Variants in UGT2A1 observed in about 807,000 individuals in gnomAD.
The protein encoded by UGT2A1 is UDP-glucuronosyltransferase 2A1.
Under a neutral mutation model 45.4 loss-of-function variants are expected in UGT2A1, and 61 were observed. The observed-to-expected ratio is 1.34, with a 90% CI of 1.09 to 1.66. UGT2A1 has a LOEUF of 1.66. Ranked by LOEUF, UGT2A1 falls within the 40% of genes most tolerant of loss-of-function variation. The pLI is 0.00. For missense variants in UGT2A1, 649 were observed against 574.3 expected (o/e 1.13, Z -1.33); for synonymous variants, 229 against 196.2 (o/e 1.17, Z -1.40).
chr4:69,620,782 A>G (rs1484749106), intron 3 of UGT2A1, among the ~76,000 whole-genome samples: 1 of 151,960 alleles, frequency 6.6e-6, no homozygotes, highest in Non-Finnish European at 1.5e-5. Flanking sequence ...TGGCACTGGT[A>G]CAAAAACAGA....
rs893017433 is a variant in UGT2A1, at chr4:69,639,419, G to A, written c.716-3597C>T. 2.2e-5 allele frequency: 35 copies of A among 1,613,054 alleles called. No homozygotes were observed. The Middle Eastern group carries it at 4.9e-4, about 23-fold the overall frequency. On this transcript the variant is annotated intron_variant, in intron 2 of 6. Coordinates refer to ENST00000286604, the MANE Select transcript of UGT2A1 (RefSeq NM_001252275.3). ...TCACTTCAAAATTCACAGGAGAATC[G>A]GGATTGGAGTTGATGAATAGAGTTG...
chr4:69,596,286 A>G, intron 4 of UGT2A1: 1 of 1,608,152 alleles, frequency 6.2e-7, no homozygotes, highest in Non-Finnish European at 8.5e-7. Context: ...AGGCAATAAG[A>G]TTGGCCTTTT....
chr4:69,625,223 TC>T (rs1214542639), intron 3 of UGT2A1, among the ~76,000 whole-genome samples: 3 of 151,220 alleles, frequency 2.0e-5, no homozygotes, highest in African/African-American at 7.2e-5. Context: ...TTTCAGATTT[TC>T]TTTTTATTAC....
intron 3 of UGT2A1, among the ~76,000 whole-genome samples, chr4:69,609,447 T>G (rs1270044391): frequency 6.6e-6 from 1 of 152,158 alleles, no homozygotes; most frequent in Non-Finnish European, 1.5e-5. Flanking sequence ...TGATATACCT[T>G]GGCCTCCTAA....
Position 69,615,935 on chromosome 4 carries a change from T to C in UGT2A1, c.848-16541A>G, listed in dbSNP as rs147899795. Among the ~76,000 whole-genome samples, 316 of 152,182 alleles carry C rather than the reference T, an allele frequency of 2.1e-3. 5 individuals carry two copies. Among genetic ancestry groups the C allele is most frequent in the African/African-American group, 5.2e-3 (217 of 41,550 alleles). ...ATATATCCAAATAAAGGAATCAGTA[T>C]ATCAAAGAAATATCTGTACACCCAT... On this transcript the variant is annotated intron_variant, in intron 3 of 6. Coordinates refer to ENST00000286604, the MANE Select transcript of UGT2A1 (RefSeq NM_001252275.3).
At chr4:69,595,326 T>C in intron 4 of UGT2A1, 77 bp from the exon 5 acceptor site, 1 of 1,533,804 alleles carries the variant, frequency 6.5e-7, no homozygotes, top group Non-Finnish European at 8.9e-7. Flanking sequence ...TATTTAGAAA[T>C]CATTTAGCCA....
At chr4:69,631,574 A>G (rs1721389356) in intron 3 of UGT2A1, among the ~76,000 whole-genome samples, 1 of 152,172 alleles carries the variant, frequency 6.6e-6, no homozygotes, top group Admixed American at 6.5e-5. Context: ...AACAGAATGA[A>G]GAATACTATT....
At chr4:69,590,116 A>T (rs1400346582) in intron 6 of UGT2A1, among the ~76,000 whole-genome samples, 2 of 152,222 alleles carry the variant, frequency 1.3e-5, no homozygotes, top group Non-Finnish European at 2.9e-5. Flanking sequence ...CAGTTCTAAG[A>T]TGTAGGCATT....
chr4:69,590,546 T>C (rs2109871777), intron 6 of UGT2A1, among the ~76,000 whole-genome samples: 1 of 152,120 alleles, frequency 6.6e-6, no homozygotes, highest in Middle Eastern at 3.4e-3. Flanking sequence ...TGGCAGGACA[T>C]TGTTAGGACT....
Position 69,652,067 on chromosome 4 carries a change from C to T in UGT2A1, c.-55+1121G>A, listed in dbSNP as rs373591106. Among the ~76,000 whole-genome samples the T allele has an allele frequency of 9.9e-5, 15 of 152,172 alleles. No individual in the cohort carries two copies. In the East Asian group the frequency reaches 1.2e-3, roughly 12 times the overall value. On this transcript the variant is annotated intron_variant, in intron 1 of 6. Coordinates refer to ENST00000286604, the MANE Select transcript of UGT2A1 (RefSeq NM_001252275.3). Reference sequence around the variant, plus strand: ...ACTTCCGCTCCTGCTCTGAAACTCCCGTCAGTCTCATCTGCCTGATGCCCC... The same window carrying T: ...ACTTCCGCTCCTGCTCTGAAACTCCTGTCAGTCTCATCTGCCTGATGCCCC...
intron 2 of UGT2A1, among the ~76,000 whole-genome samples, chr4:69,637,930 G>A (rs1390695263): frequency 7.2e-6 from 1 of 139,840 alleles, no homozygotes; most frequent in Non-Finnish European, 1.5e-5. Flanking sequence ...CAGGCAGGCA[G>A]GAAGGAAGGA....
At chr4:69,609,635 C>A (rs1202623945) in intron 3 of UGT2A1, among the ~76,000 whole-genome samples, 2 of 152,076 alleles carry the variant, frequency 1.3e-5, no homozygotes, top group Non-Finnish European at 2.9e-5. Context: ...AGTATAATGT[C>A]TCTGAGATGA....
intron 3 of UGT2A1, among the ~76,000 whole-genome samples, chr4:69,621,675 C>A (rs1475478413): frequency 6.6e-6 from 1 of 151,856 alleles, no homozygotes; most frequent in Non-Finnish European, 1.5e-5. Flanking sequence ...GAATATAAAT[C>A]ATTCTATCAT....
chr4:69,639,520 G>T, intron 2 of UGT2A1: 1 of 1,613,154 alleles, frequency 6.2e-7, no homozygotes, highest in South Asian at 1.1e-5. Context: ...TTTAACCAAT[G>T]GCTACCATCT....
At chr4:69,595,355 A>G in intron 4 of UGT2A1, 106 bp from the exon 5 acceptor site, 3 of 1,313,034 alleles carry the variant, frequency 2.3e-6, no homozygotes, top group Non-Finnish European at 2.1e-6. Context: ...GAAGACGGGA[A>G]TTACATAAGC....
At position 69,589,238 on chromosome 4, in the gene UGT2A1, T is replaced by C. The variant is rs776929809; in HGVS notation, c.*134A>G. On this transcript the variant is annotated 3_prime_UTR_variant, in exon 7 of 7. Transcript: ENST00000286604. ...GCTTTATCAGTAGGCTTATCGCAGG[T>C]AGAGAAATAGAAAATTTGGAAACAG... 2.9e-5 allele frequency: 34 copies of C among 1,166,214 alleles called. No homozygotes were observed. Among genetic ancestry groups the C allele is most frequent in the Non-Finnish European group, 3.7e-5 (32 of 866,942 alleles). 72.2% of individuals were successfully genotyped at this position (1,166,214 alleles called of 1,614,324 possible). A position where few individuals can be genotyped will look rare whatever the true frequency, so the allele number is the denominator to read the frequency against.
chr4:69,610,050 C>A (rs1343145693), intron 3 of UGT2A1, among the ~76,000 whole-genome samples: 1 of 152,120 alleles, frequency 6.6e-6, no homozygotes, highest in Non-Finnish European at 1.5e-5. Context: ...TAAAACCAGT[C>A]AGGCTTCTGG....
rs1317195453 is a variant in UGT2A1 at position 69,604,947 on chromosome 4, C to A, written c.848-5553G>T. 2.9e-5 allele frequency among the ~76,000 whole-genome samples: 4 copies of A among 136,468 alleles called. 2 individuals are homozygous for A. The highest frequency in any genetic ancestry group is 1.2e-4 in the African/African-American group (4 of 33,584). 89.5% of individuals were successfully genotyped at this position (136,468 alleles called of 152,430 possible). On this transcript the variant is annotated intron_variant, in intron 3 of 6. Coordinates refer to ENST00000286604, the MANE Select transcript of UGT2A1 (RefSeq NM_001252275.3). ...AAGTCCTTAGAGACCTAGAAAGAGA[C>A]TTAGACTCCCACACAATAATAATGA...
Position 69,647,251 on chromosome 4 carries a change from T to G in UGT2A1, c.394A>C (p.Asn132His). Residue 132 changes from asparagine (N) to histidine (H), a missense_variant, in exon 2 of 7, where the codon AAC (asparagine) becomes CAC (histidine). Transcript: ENST00000286604. ...SQEICDGVLK[N>H]QQLMAKLKKS... Reference sequence around the variant, plus strand: ...TTTAGCTTTGCCATCAGCTGTTGGTTTTTAAGAACGCCATCACAGATCTCC... The same window carrying G: ...TTTAGCTTTGCCATCAGCTGTTGGTGTTTAAGAACGCCATCACAGATCTCC... 1.2e-6 allele frequency: 2 copies of G among 1,613,350 alleles called. No individual in the cohort carries two copies. The highest frequency in any genetic ancestry group is 2.2e-5 in the South Asian group (2 of 91,042).
Sources: allele counts gnomAD v4.1 joint callset (sites outside exome capture counted in the v4.1 genomes callset), GRCh38; gene constraint gnomAD v4.1.1; transcripts MANE v1.5; gene names NCBI Gene and HGNC (gene_info 2026-07-23, HGNC 2026-07-21).